NRXN1: variants seen among roughly 807,000 people sequenced by gnomAD.
NRXN1 encodes the protein neurexin-1.
NRXN1 carries 39 observed loss-of-function variants against 150.9 expected under a neutral mutation model. The ratio of observed to expected loss-of-function variants is 0.26; its 90% CI spans 0.20 to 0.34. NRXN1 has a LOEUF of 0.34. NRXN1 is among the 10% of genes least tolerant of loss of function. The pLI, the probability that NRXN1 is intolerant of heterozygous loss-of-function variation, is 1.00. For synonymous variants in NRXN1, 924 were observed against 757.0 expected (o/e 1.22, Z -3.62); for missense variants, 1,815 against 1,949.9 (o/e 0.93, Z 1.30).
intron 2 of NRXN1, among the ~76,000 whole-genome samples, chr2:50,935,843 G>A (rs79552717): frequency 6.6e-6 from 1 of 152,162 alleles, no homozygotes; most frequent in East Asian, 1.9e-4. Context: ...GAATGAGTAA[G>A]ATGTATAATA....
chr2:50,990,061 A>G (rs995927113), intron 2 of NRXN1, among the ~76,000 whole-genome samples: 5 of 151,998 alleles, frequency 3.3e-5, no homozygotes, highest in African/African-American at 1.2e-4. Context: ...ATTTATGTTT[A>G]CTAATGACTA....
intron 5 of NRXN1, among the ~76,000 whole-genome samples, chr2:50,826,233 A>T (rs1287492456): frequency 1.3e-5 from 2 of 152,182 alleles, no homozygotes; most frequent in Admixed American, 6.5e-5. Flanking sequence ...ATCTGAGCTG[A>T]GAGTGAAATG....
intron 5 of NRXN1, among the ~76,000 whole-genome samples, chr2:50,690,782 TAAAATA>T (rs1278614602): frequency 6.6e-6 from 1 of 152,170 alleles, no homozygotes; most frequent in Admixed American, 6.5e-5. Context: ...CCAAAGAAGA[TAAAATA>T]TGTTAAGTAC....
chr2:50,851,713 T>A (rs1674542892), intron 5 of NRXN1, among the ~76,000 whole-genome samples: 1 of 151,338 alleles, frequency 6.6e-6, no homozygotes, highest in African/African-American at 2.4e-5. Flanking sequence ...CACATGGAAA[T>A]AAAACATACA....
chr2:50,614,724 T>G (rs1354391354), intron 8 of NRXN1, among the ~76,000 whole-genome samples: 1 of 95,246 alleles, frequency 1.0e-5, no homozygotes, highest in Non-Finnish European at 1.9e-5. Flanking sequence ...TAAACTAATA[T>G]CAGCCATTCA....
chr2:50,823,330 G>A (rs1669995617), intron 5 of NRXN1, among the ~76,000 whole-genome samples: 1 of 151,994 alleles, frequency 6.6e-6, no homozygotes, highest in African/African-American at 2.4e-5. Context: ...GCAGACCTGG[G>A]GTTGCTGAAG....
chr2:50,789,127 T>C (rs1705576524), intron 5 of NRXN1, among the ~76,000 whole-genome samples: 1 of 152,202 alleles, frequency 6.6e-6, no homozygotes, highest in Non-Finnish European at 1.5e-5. Context: ...ATTTTAAGTG[T>C]AATTTTACAT....
chr2:50,150,582 C>T (rs140072578), intron 18 of NRXN1, among the ~76,000 whole-genome samples: 56 of 151,690 alleles, frequency 3.7e-4, no homozygotes, highest in Admixed American at 3.6e-3. Context: ...TTTTGTACAT[C>T]TTTACAATTT....
chr2:50,526,397 G>T (rs1246944061), intron 12 of NRXN1, among the ~76,000 whole-genome samples: 2 of 152,100 alleles, frequency 1.3e-5, no homozygotes, highest in Non-Finnish European at 2.9e-5. Context: ...TTTAATAAAC[G>T]TACATTAATT....
intron 5 of NRXN1, among the ~76,000 whole-genome samples, chr2:50,660,532 T>C (rs181837075): frequency 9.1e-4 from 139 of 152,176 alleles, no homozygotes; most frequent in South Asian, 2.7e-3. Context: ...TTTTGGTTTT[T>C]AGAAGGGTGG....
intron 5 of NRXN1, among the ~76,000 whole-genome samples, chr2:50,882,797 C>A (rs949233068): frequency 1.3e-5 from 2 of 151,754 alleles, no homozygotes; most frequent in African/African-American, 4.8e-5. Context: ...TTTAAGATAA[C>A]AATGAGTGAC....
chr2:50,044,510 C>T (rs570560865), intron 21 of NRXN1, among the ~76,000 whole-genome samples: 74 of 152,238 alleles, frequency 4.9e-4, no homozygotes, highest in African/African-American at 1.4e-3. Flanking sequence ...ACACTTAAGA[C>T]GTGAAACACT....
intron 19 of NRXN1, among the ~76,000 whole-genome samples, chr2:50,069,164 T>G (rs1695824001): frequency 6.6e-6 from 1 of 152,218 alleles, no homozygotes. Context: ...AGTCTTAAAA[T>G]GACATTTTAA....
intron 5 of NRXN1, among the ~76,000 whole-genome samples, chr2:50,809,909 A>G (rs1667990414): frequency 1.3e-5 from 2 of 152,198 alleles, no homozygotes; most frequent in African/African-American, 2.4e-5. Flanking sequence ...CATACCTGTC[A>G]ATTTTCTATA....
Position 50,531,216 on chromosome 2 carries a change from C to T in NRXN1, c.2347+11G>A, listed in dbSNP as rs766027161. 35 of 1,607,336 alleles carry T rather than the reference C, an allele frequency of 2.2e-5. No individual in the cohort carries two copies. Among genetic ancestry groups the T allele is most frequent in the Non-Finnish European group, 2.8e-5 (33 of 1,175,882 alleles). On this transcript the variant is annotated intron_variant, in intron 11 of 22. Transcript: ENST00000401669. Reference sequence around the variant, plus strand: ...AAAGTGTTAGTTCAATGGGGGAAGGCAGGTTGTTACCTAGATTGACCGTCA... The same window carrying T: ...AAAGTGTTAGTTCAATGGGGGAAGGTAGGTTGTTACCTAGATTGACCGTCA...
chr2:49,927,218 A>T (rs1020099994), intron 22 of NRXN1, among the ~76,000 whole-genome samples: 4 of 152,232 alleles, frequency 2.6e-5, no homozygotes, highest in Non-Finnish European at 5.9e-5. Context: ...ATTTCACCAG[A>T]ACAGGTTTTG....
At chr2:50,477,145 G>T (rs544740657) in intron 15 of NRXN1, among the ~76,000 whole-genome samples, 2 of 152,072 alleles carry the variant, frequency 1.3e-5, no homozygotes, top group Admixed American at 1.3e-4. Flanking sequence ...AGAATAAAAG[G>T]CTTGACTGGA....
intron 18 of NRXN1, among the ~76,000 whole-genome samples, chr2:50,194,693 T>G (rs2061648680): frequency 6.6e-6 from 1 of 152,166 alleles, no homozygotes; most frequent in Non-Finnish European, 1.5e-5. Flanking sequence ...TTAATTCCTC[T>G]GGAAATTTAA....
At chr2:50,786,593 G>A (rs1048692020) in intron 5 of NRXN1, among the ~76,000 whole-genome samples, 7 of 152,056 alleles carry the variant, frequency 4.6e-5, no homozygotes, top group African/African-American at 1.7e-4. Context: ...CCTTGCAGAG[G>A]AACTGGTAAG....
Sources: allele counts gnomAD v4.1 joint callset (sites outside exome capture counted in the v4.1 genomes callset), GRCh38; gene constraint gnomAD v4.1.1; transcripts MANE v1.5; gene names NCBI Gene and HGNC (gene_info 2026-07-23, HGNC 2026-07-21).